ELOVL6: variants seen among roughly 807,000 people sequenced by gnomAD.
The protein encoded by ELOVL6 is very long chain fatty acid elongase 6.
ELOVL6 carries 8 observed loss-of-function variants against 31.7 expected under a neutral mutation model. That is an observed-to-expected ratio of 0.25 (90% confidence interval 0.15 to 0.45). The LOEUF (loss-of-function observed/expected upper bound fraction) is 0.45, where lower values mean the gene tolerates loss of function less well. Among genes scored for constraint, ELOVL6 ranks in the 20% least tolerant of loss-of-function variants. The pLI, the probability that ELOVL6 is intolerant of heterozygous loss-of-function variation, is 1.00. For missense variants in ELOVL6, 126 were observed against 326.4 expected (o/e 0.39, Z 4.73); for synonymous variants, 101 against 117.7 (o/e 0.86, Z 0.92).
chr4:110,084,417 G>GAT (rs1756132673), intron 2 of ELOVL6, among the ~76,000 whole-genome samples: 1 of 10,132 alleles, frequency 9.9e-5, no homozygotes, highest in African/African-American at 3.4e-4. Context: ...TGACATACAT[G>GAT]ATATATCACA....
At chr4:110,090,149 T>A (rs1756377758) in intron 2 of ELOVL6, among the ~76,000 whole-genome samples, 1 of 152,192 alleles carries the variant, frequency 6.6e-6, no homozygotes, top group South Asian at 2.1e-4. Context: ...TGATGTCTAT[T>A]GTTAGTGTTA....
At chr4:110,176,065 A>G (rs1481318080) in intron 1 of ELOVL6, among the ~76,000 whole-genome samples, 2 of 151,348 alleles carry the variant, frequency 1.3e-5, no homozygotes, top group Non-Finnish European at 2.9e-5. Flanking sequence ...ACAAGAAAGT[A>G]TCTAGAGCTC....
chr4:110,077,984 TATC>T lies in ELOVL6; in HGVS notation c.222-18233_222-18231del, dbSNP rs545885931. On this transcript the variant is annotated intron_variant, in intron 2 of 3. Coordinates refer to ENST00000302274, the MANE Select transcript of ELOVL6 (RefSeq NM_024090.3). ...CAATTTGATCAACTGGAAGAAACGG[TATC>T]AGAGATAGAAGATCAAATGGATGAA... Among the ~76,000 whole-genome samples, 86 of 152,294 alleles carry T rather than the reference TATC, an allele frequency of 5.6e-4. 1 individual carries two copies. The highest frequency in any genetic ancestry group is 1.9e-3 in the East Asian group (10 of 5,186).
intron 2 of ELOVL6, among the ~76,000 whole-genome samples, chr4:110,102,956 C>T (rs957988756): frequency 2.0e-5 from 3 of 150,422 alleles, no homozygotes; most frequent in Non-Finnish European, 3.0e-5. Flanking sequence ...TGGGGAGGGG[C>T]GGTAATCGAA....
chr4:110,151,519 G>A (rs2126265516), intron 1 of ELOVL6, among the ~76,000 whole-genome samples: 1 of 152,202 alleles, frequency 6.6e-6, no homozygotes, highest in East Asian at 1.9e-4. Context: ...TTGTACCATT[G>A]TTATATTAAT....
intron 1 of ELOVL6, among the ~76,000 whole-genome samples, chr4:110,196,354 A>C (rs562809297): frequency 6.6e-6 from 1 of 152,148 alleles, no homozygotes; most frequent in Non-Finnish European, 1.5e-5. Flanking sequence ...TATGACAAAC[A>C]TGTGCGGAGA....
intron 2 of ELOVL6, among the ~76,000 whole-genome samples, chr4:110,089,788 C>A (rs1297923896): frequency 3.3e-5 from 5 of 152,148 alleles, no homozygotes; most frequent in Non-Finnish European, 5.9e-5. Flanking sequence ...TTAAGAGAGG[C>A]AGTGCTCCAA....
At chr4:110,155,378 G>C (rs1384596421) in intron 1 of ELOVL6, among the ~76,000 whole-genome samples, 1 of 151,914 alleles carries the variant, frequency 6.6e-6, no homozygotes, top group Non-Finnish European at 1.5e-5. Context: ...TAGAGACTGA[G>C]AGCATAGGAA....
intron 1 of ELOVL6, among the ~76,000 whole-genome samples, chr4:110,128,880 C>G (rs1757587943): frequency 6.6e-6 from 1 of 152,202 alleles, no homozygotes; most frequent in Non-Finnish European, 1.5e-5. Context: ...AAGGAAACTT[C>G]TCAGCTCACT....
chr4:110,052,237 C>G (rs762315380), intron 3 of ELOVL6, among the ~76,000 whole-genome samples: 7 of 152,148 alleles, frequency 4.6e-5, no homozygotes, highest in Non-Finnish European at 5.9e-5. Context: ...AAGTCAAGTG[C>G]CCAGCAAAAT....
intron 1 of ELOVL6, among the ~76,000 whole-genome samples, chr4:110,112,344 G>C (rs1757058807): frequency 6.6e-6 from 1 of 152,182 alleles, no homozygotes; most frequent in Non-Finnish European, 1.5e-5. Flanking sequence ...CCTGTTCATA[G>C]TAAAAGATAG....
intron 1 of ELOVL6, among the ~76,000 whole-genome samples, chr4:110,165,472 A>C (rs780741989): frequency 2.6e-5 from 4 of 152,148 alleles, no homozygotes; most frequent in Non-Finnish European, 5.9e-5. Context: ...TTCTCCTCTC[A>C]GCTACTGCTG....
At chr4:110,084,551 C>CAGATATATATTTTTATATATAT (rs1163599448) in intron 2 of ELOVL6, among the ~76,000 whole-genome samples, 1 of 64,696 alleles carries the variant, frequency 1.5e-5, no homozygotes. Context: ...CACACACACA[C>CAGATATATATTTTTATATATAT]ACACACACAC....
chr4:110,196,405 C>A (rs563977030), intron 1 of ELOVL6, among the ~76,000 whole-genome samples: 4 of 152,246 alleles, frequency 2.6e-5, no homozygotes, highest in South Asian at 4.2e-4. Context: ...GGTTCCGGCG[C>A]CCGCCGGCTC....
At chr4:110,195,705 G>A (rs1202306901) in intron 1 of ELOVL6, among the ~76,000 whole-genome samples, 1 of 152,194 alleles carries the variant, frequency 6.6e-6, no homozygotes, top group Non-Finnish European at 1.5e-5. Flanking sequence ...GCCACGGTAT[G>A]CAAGTTCTAG....
At chr4:110,084,029 TATATGGTATATAACAC>T (rs1560813609) in intron 2 of ELOVL6, among the ~76,000 whole-genome samples, 1,684 of 15,500 alleles carry the variant, frequency 0.11, 113 homozygotes, top group Non-Finnish European at 0.18. Flanking sequence ...ACATATGCCA[TATATGGTATATAACAC>T]ATGCTATATA....
At chr4:110,158,638 T>TATAC in intron 1 of ELOVL6, among the ~76,000 whole-genome samples, 1 of 55,128 alleles carries the variant, frequency 1.8e-5, no homozygotes, top group East Asian at 5.5e-4. Flanking sequence ...TACACGTGTA[T>TATAC]ATATATATAT....
At chr4:110,098,636 C>A (rs532355227) in intron 2 of ELOVL6, among the ~76,000 whole-genome samples, 16 of 152,144 alleles carry the variant, frequency 1.1e-4, no homozygotes, top group African/African-American at 3.9e-4. Flanking sequence ...ACTTTTACTA[C>A]ATATATATTC....
chr4:110,084,035 G>GATATATATGATATA lies in ELOVL6; in HGVS notation c.221+21461_221+21462insTATATCATATATAT, dbSNP rs1560813639. Reference sequence around the variant, plus strand: ...TGGTATATAACATATGCCATATATGGTATATAACACATGCTATATATGATA... The same window carrying GATATATATGATATA: ...TGGTATATAACATATGCCATATATGGATATATATGATATATATATAACACATGCTATATATGATA... On this transcript the variant is annotated intron_variant, in intron 2 of 3. Transcript: ENST00000302274. Among the ~76,000 whole-genome samples the GATATATATGATATA allele has an allele frequency of 4.3e-3, 32 of 7,460 alleles. 2 individuals are homozygous for GATATATATGATATA. Among genetic ancestry groups the GATATATATGATATA allele is most frequent in the East Asian group, 9.3e-3 (2 of 216 alleles). 4.9% of individuals were successfully genotyped at this position (7,460 alleles called of 152,430 possible). A position where few individuals can be genotyped will look rare whatever the true frequency, so the allele number is the denominator to read the frequency against.
Sources: gnomAD v4.1 joint callset for allele counts (sites outside exome capture counted in the v4.1 genomes callset) on GRCh38, gnomAD v4.1.1 for gene constraint, MANE v1.5 for transcripts, NCBI Gene and HGNC (gene_info 2026-07-23, HGNC 2026-07-21) for gene names.